FAM228B: variants seen among roughly 807,000 people sequenced by gnomAD.
FAM228B encodes the protein protein FAM228B.
FAM228B carries 38 observed loss-of-function variants against 42.6 expected under a neutral mutation model. The observed-to-expected ratio is 0.89, with a 90% CI of 0.69 to 1.17. The LOEUF (loss-of-function observed/expected upper bound fraction) is 1.17, where lower values mean the gene tolerates loss of function less well. FAM228B is among the 50% of genes most tolerant of loss of function. The probability of loss-of-function intolerance (pLI) is 0.00; values close to 1 mark genes in which losing one functional copy is unlikely to be tolerated. For synonymous variants in FAM228B, 109 were observed against 122.3 expected, an observed-to-expected ratio of 0.89 and a Z score of 0.72; for missense variants, 344 against 367.3, an observed-to-expected ratio of 0.94 and a Z score of 0.52.
chr2:24,093,341 C>G (rs1319868381), intron 2 of FAM228B, among the ~76,000 whole-genome samples: 1 of 151,964 alleles, frequency 6.6e-6, no homozygotes, highest in African/African-American at 2.4e-5. Flanking sequence ...GTGATGTCCC[C>G]CTCCGTGTGT....
intron 7 of FAM228B, among the ~76,000 whole-genome samples, chr2:24,160,998 A>G (rs893962140): frequency 2.0e-5 from 3 of 152,244 alleles, no homozygotes; most frequent in Non-Finnish European, 4.4e-5. Context: ...AGTAAACAGT[A>G]AATCAATCTC....
chr2:24,166,055 ATATATAT>A (rs1000498017), intron 9 of FAM228B: 3 of 10,650 alleles, frequency 2.8e-4, no homozygotes, highest in Non-Finnish European at 9.0e-4. Flanking sequence ...AAAAAAAAAA[ATATATAT>A]ATATATATAT....
In FAM228B at chr2:24,080,581, G is replaced by A. The variant is rs1430800290; in HGVS notation, c.-289-295G>A. On this transcript the variant is annotated intron_variant, in intron 1 of 10. Transcript: ENST00000613899. The surrounding 1 kb of genome is among the most constrained non-coding windows in gnomAD (Gnocchi z 4.7). Reference sequence around the variant, plus strand: ...GATAATTCCAGACCAAGTCTGCATGGTCTAAAGTGTGGATGAATCTTATCT... The same window carrying A: ...GATAATTCCAGACCAAGTCTGCATGATCTAAAGTGTGGATGAATCTTATCT... 6.6e-6 allele frequency among the ~76,000 whole-genome samples: 1 copy of A among 152,176 alleles called. No individual in the cohort carries two copies. Among genetic ancestry groups the A allele is most frequent in the Non-Finnish European group, 1.5e-5 (1 of 68,024 alleles).
At chr2:24,083,891 G>A (rs1239583981) in intron 2 of FAM228B, among the ~76,000 whole-genome samples, 1 of 152,148 alleles carries the variant, frequency 6.6e-6, no homozygotes, top group Non-Finnish European at 1.5e-5. Context: ...TTAAGATGGC[G>A]AACAGGGTAG....
chr2:24,114,870 T>C (rs1399124504), intron 3 of FAM228B, among the ~76,000 whole-genome samples: 1 of 152,216 alleles, frequency 6.6e-6, no homozygotes, highest in Non-Finnish European at 1.5e-5. Flanking sequence ...CATACTGCCT[T>C]ACTAAGGTGT....
intron 3 of FAM228B, among the ~76,000 whole-genome samples, chr2:24,108,256 G>A (rs933522891): frequency 1.3e-5 from 2 of 152,026 alleles, no homozygotes; most frequent in Admixed American, 6.6e-5. Flanking sequence ...CCAATAATGA[G>A]TTCTGAAATT....
chr2:24,156,097 G>C (rs144007064), intron 7 of FAM228B, among the ~76,000 whole-genome samples: 1 of 152,212 alleles, frequency 6.6e-6, no homozygotes, highest in Admixed American at 6.5e-5. Context: ...TCAGAAGACT[G>C]TAGCAAGATG....
At chr2:24,150,546 T>A (rs1667001302) in intron 7 of FAM228B, among the ~76,000 whole-genome samples, 1 of 152,092 alleles carries the variant, frequency 6.6e-6, no homozygotes. Context: ...TGCCTCAGCC[T>A]CCCAAGTAGC....
intron 7 of FAM228B, among the ~76,000 whole-genome samples, chr2:24,150,357 T>C (rs1666997100): frequency 6.6e-6 from 1 of 151,484 alleles, no homozygotes; most frequent in African/African-American, 2.4e-5. Context: ...TTGAAGGATA[T>C]TTTTTTTTCT....
upstream of FAM228B, chr2:24,121,108 T>G (rs1666100692): frequency 5.6e-6 from 9 of 1,599,646 alleles, no homozygotes; most frequent in Middle Eastern, 1.7e-4. Flanking sequence ...AGCAAGGAAA[T>G]TTGGAGGCAA....
At chr2:24,111,017 G>A (rs1200675176) in intron 3 of FAM228B, among the ~76,000 whole-genome samples, 1 of 152,030 alleles carries the variant, frequency 6.6e-6, no homozygotes, top group Non-Finnish European at 1.5e-5. Context: ...CTTTGAATGG[G>A]CCCAACCAAC....
chr2:24,127,321 A>C (rs1248003356), intron 2 of FAM228B, among the ~76,000 whole-genome samples: 1 of 152,204 alleles, frequency 6.6e-6, no homozygotes, highest in Non-Finnish European at 1.5e-5. Context: ...TCTCAGTATC[A>C]CATTTTGTTT....
chr2:24,092,813 A>G (rs901126290), intron 2 of FAM228B, among the ~76,000 whole-genome samples: 1 of 152,192 alleles, frequency 6.6e-6, no homozygotes, highest in South Asian at 2.1e-4. Context: ...AAAATGAACT[A>G]GAGCTATAGC....
chr2:24,156,955 T>C (rs2151028706), intron 7 of FAM228B, among the ~76,000 whole-genome samples: 1 of 152,294 alleles, frequency 6.6e-6, no homozygotes, highest in Non-Finnish European at 1.5e-5. Context: ...TTGTGCTCTT[T>C]CAGTCTTTGT....
In FAM228B at chr2:24,084,421, G is replaced by A; in HGVS notation, c.-210+3466G>A. On this transcript the variant is annotated intron_variant, in intron 2 of 10. Transcript: ENST00000613899. The surrounding 1 kb of genome is among the most constrained non-coding windows in gnomAD (Gnocchi z 8.4). The stretch of plus-strand genomic sequence containing the variant: ...CAGGGCAGGACAGGACAGGGCAGGG[G>A]CCGCTGTATCCTCGCGGAGCAGCCC... The A allele has an allele frequency of 1.6e-6, 2 of 1,214,492 alleles. No homozygotes were observed. Among genetic ancestry groups the A allele is most frequent in the Middle Eastern group, 5.5e-4 (2 of 3,622 alleles). 75.2% of individuals were successfully genotyped at this position (1,214,492 alleles called of 1,614,324 possible).
intron 2 of FAM228B, among the ~76,000 whole-genome samples, chr2:24,094,412 T>C (rs1299959285): frequency 6.6e-6 from 1 of 152,140 alleles, no homozygotes; most frequent in Non-Finnish European, 1.5e-5. Context: ...ATTATTCACC[T>C]GAAATATAAA....
At chr2:24,161,342 G>A (rs1262799680) in intron 7 of FAM228B, among the ~76,000 whole-genome samples, 164 bp from the exon 8 acceptor site, 2 of 152,098 alleles carry the variant, frequency 1.3e-5, no homozygotes, top group Admixed American at 6.5e-5. Context: ...AGCTGCTTCG[G>A]AGGGTGGCTG....
chr2:24,113,343 C>G (rs1469115465), intron 3 of FAM228B, among the ~76,000 whole-genome samples: 1 of 152,134 alleles, frequency 6.6e-6, no homozygotes, highest in Non-Finnish European at 1.5e-5. Flanking sequence ...GAGGCCGAGG[C>G]AGAACGATTG....
At chr2:24,098,803 G>A (rs13022514) in intron 3 of FAM228B, among the ~76,000 whole-genome samples, 18,312 of 152,130 alleles carry the variant, frequency 0.12, 1,275 homozygotes, top group South Asian at 0.18. Flanking sequence ...TCATCCTTAT[G>A]CCAAAGCCTG....
Sources: allele counts gnomAD v4.1 joint callset (sites outside exome capture counted in the v4.1 genomes callset), GRCh38; gene constraint gnomAD v4.1.1; non-coding constraint Gnocchi (gnomAD v3.1); transcripts MANE v1.5; gene names NCBI Gene and HGNC (gene_info 2026-07-23, HGNC 2026-07-21).